Variants in ADAM12 observed in about 807,000 individuals in gnomAD.
The protein encoded by ADAM12 is disintegrin and metalloproteinase domain-containing protein 12.
Under a neutral mutation model 106.4 loss-of-function variants are expected in ADAM12, and 70 were observed. The ratio of observed to expected loss-of-function variants is 0.66; its 90% CI spans 0.54 to 0.80. The LOEUF (loss-of-function observed/expected upper bound fraction) is 0.80, where lower values mean the gene tolerates loss of function less well. Ranked by LOEUF, ADAM12 falls within the 30% of genes least tolerant of loss-of-function variation. The pLI is 0.00. For missense variants in ADAM12, 1,010 were observed against 1,171.9 expected (o/e 0.86, Z 2.02); for synonymous variants, 420 against 433.5 (o/e 0.97, Z 0.39).
At chr10:126,333,289 T>C (rs1432930368) in intron 1 of ADAM12, among the ~76,000 whole-genome samples, 1 of 152,174 alleles carries the variant, frequency 6.6e-6, no homozygotes, top group African/African-American at 2.4e-5. Flanking sequence ...GAGAAAGAGT[T>C]CCAAAACTAG....
At chr10:126,339,242 A>G (rs868393570) in intron 1 of ADAM12, among the ~76,000 whole-genome samples, 80 of 152,328 alleles carry the variant, frequency 5.3e-4, no homozygotes, top group African/African-American at 1.9e-3. Context: ...AGCACAGTCT[A>G]TATTTTATCT....
In ADAM12 at chr10:126,066,161, A is replaced by C. The variant is rs534568490; in HGVS notation, c.1413+556T>G. On this transcript the variant is annotated intron_variant, in intron 13 of 22. Transcript: ENST00000448723. This position sits in a 1 kb window ranked among gnomAD's most constrained non-coding sequence, Gnocchi z 5.1. ...AGATATCAGCTCTGAATAATGAGAC[A>C]ATGGAACTGCCAAAAGAAACGCAGT... Among the ~76,000 whole-genome samples, 1 of 152,230 alleles carries C rather than the reference A, an allele frequency of 6.6e-6. No individual in the cohort carries two copies. The highest frequency in any genetic ancestry group is 2.4e-5 in the African/African-American group (1 of 41,458).
chr10:126,372,349 C>G (rs888794419), intron 1 of ADAM12, among the ~76,000 whole-genome samples: 2 of 152,218 alleles, frequency 1.3e-5, no homozygotes, highest in Non-Finnish European at 2.9e-5. Context: ...CAACCTCTCC[C>G]TCATTTGGAA....
intron 5 of ADAM12, among the ~76,000 whole-genome samples, chr10:126,132,395 T>C (rs1473783077): frequency 6.6e-6 from 1 of 152,080 alleles, no homozygotes; most frequent in African/African-American, 2.4e-5. Flanking sequence ...AGAGGCACAA[T>C]AGTAAAGTGT....
At chr10:126,113,731 T>TATAA (rs1176475501) in intron 6 of ADAM12, among the ~76,000 whole-genome samples, 56 of 25,938 alleles carry the variant, frequency 2.2e-3, no homozygotes, top group African/African-American at 8.0e-3. Context: ...TATATATATA[T>TATAA]AATATATTGC....
At chr10:126,284,859 G>A (rs1486893773) in intron 2 of ADAM12, among the ~76,000 whole-genome samples, 1 of 152,176 alleles carries the variant, frequency 6.6e-6, no homozygotes, top group Non-Finnish European at 1.5e-5. Context: ...TGTCCTCCTT[G>A]GAGAAAGGAT....
intron 1 of ADAM12, among the ~76,000 whole-genome samples, chr10:126,364,137 T>C (rs189728326): frequency 2.0e-5 from 3 of 152,030 alleles, no homozygotes; most frequent in Non-Finnish European, 2.9e-5. Context: ...CAGTATCCAA[T>C]ACTTTTTTTT....
At chr10:126,179,588 C>G (rs548412839) in intron 3 of ADAM12, among the ~76,000 whole-genome samples, 1 of 152,274 alleles carries the variant, frequency 6.6e-6, no homozygotes, top group African/African-American at 2.4e-5. Context: ...ACCTGCCTGT[C>G]TTTTGACTAT....
At chr10:126,106,776 G>A (rs1565062341) in intron 8 of ADAM12, among the ~76,000 whole-genome samples, 5 of 152,152 alleles carry the variant, frequency 3.3e-5, no homozygotes, top group African/African-American at 1.2e-4. Context: ...AAGCCACCGC[G>A]CCCGCTCAGG....
intron 11 of ADAM12, among the ~76,000 whole-genome samples, chr10:126,090,444 A>G (rs1955442207): frequency 6.6e-6 from 1 of 152,164 alleles, no homozygotes; most frequent in South Asian, 2.1e-4. Flanking sequence ...GTCATTCACA[A>G]TTTTCTTACT....
intron 3 of ADAM12, among the ~76,000 whole-genome samples, chr10:126,221,671 C>T (rs867028707): frequency 3.1e-4 from 47 of 152,208 alleles, no homozygotes; most frequent in African/African-American, 1.0e-3. Flanking sequence ...ATTCATTGTT[C>T]GCATCCAACA....
At chr10:126,213,210 G>T (rs547968310) in intron 3 of ADAM12, among the ~76,000 whole-genome samples, 1 of 152,276 alleles carries the variant, frequency 6.6e-6, no homozygotes, top group African/African-American at 2.4e-5. Context: ...CCTTATTTGT[G>T]TTCTGGCAAA....
chr10:126,330,449 C>T lies in ADAM12; in HGVS notation c.149G>A (p.Gly50Glu), dbSNP rs1247599351. The T allele has an allele frequency of 6.2e-7, 1 of 1,613,904 alleles. No homozygotes were observed. Among genetic ancestry groups the T allele is most frequent in the East Asian group, 2.2e-5 (1 of 44,858 alleles). Residue 50 changes from glycine to glutamate, a missense_variant, in exon 2 of 23, where the codon GGG (glycine) becomes GAG (glutamate). Gly to Glu is a moderately conservative substitution (Grantham distance 98). Around this residue, in one of 3 missense-constraint regions of ADAM12, gnomAD observed 391 missense variants for 442.9 expected, o/e 0.88. Coordinates refer to ENST00000448723, the MANE Select transcript of ADAM12 (RefSeq NM_001288973.2). ...GCTCTTCACTGGGATCCAGAGGTCC[C>T]CACTCCCAACAGAGGCACTGACAAC... ...DEVVSASVGSGDLWIPVKSFD... is the reference protein window; with the variant it reads ...DEVVSASVGSEDLWIPVKSFD...
At chr10:126,107,990 C>A (rs1030723682) in intron 8 of ADAM12, among the ~76,000 whole-genome samples, 1 of 152,156 alleles carries the variant, frequency 6.6e-6, no homozygotes, top group African/African-American at 2.4e-5. Flanking sequence ...ACAAGTACCC[C>A]AGGAGTAGGA....
intron 5 of ADAM12, among the ~76,000 whole-genome samples, chr10:126,126,680 G>A (rs1372297841): frequency 6.6e-6 from 1 of 152,054 alleles, no homozygotes; most frequent in Non-Finnish European, 1.5e-5. Flanking sequence ...GCAATGAAAG[G>A]AGGGGTGGAG....
intron 2 of ADAM12, among the ~76,000 whole-genome samples, chr10:126,282,380 T>C (rs958975385): frequency 2.0e-5 from 3 of 152,186 alleles, no homozygotes; most frequent in Non-Finnish European, 4.4e-5. Context: ...ATTCATCTCA[T>C]ACACTTTCTC....
intron 11 of ADAM12, among the ~76,000 whole-genome samples, chr10:126,092,435 C>T (rs1295252114): frequency 6.6e-6 from 1 of 152,210 alleles, no homozygotes; most frequent in African/African-American, 2.4e-5. Flanking sequence ...CAACCTTATA[C>T]CCTAAGAAGG....
At chr10:126,184,869 T>C (rs886641255) in intron 3 of ADAM12, among the ~76,000 whole-genome samples, 1 of 152,140 alleles carries the variant, frequency 6.6e-6, no homozygotes, top group Non-Finnish European at 1.5e-5. Flanking sequence ...CCTGCCTTAT[T>C]TCTTCGGGAC....
intron 1 of ADAM12, among the ~76,000 whole-genome samples, chr10:126,380,367 T>C (rs1856447285): frequency 6.6e-6 from 1 of 152,236 alleles, no homozygotes; most frequent in African/African-American, 2.4e-5. Flanking sequence ...GCTATAGTTA[T>C]GGCAAAGATA....
Sources: gnomAD v4.1 joint callset for allele counts (sites outside exome capture counted in the v4.1 genomes callset) on GRCh38, gnomAD v4.1.1 for gene constraint, gnomAD v4.1.1 regional missense constraint, Gnocchi (gnomAD v3.1) non-coding constraint, MANE v1.5 for transcripts, NCBI Gene and HGNC (gene_info 2026-07-23, HGNC 2026-07-21) for gene names.